FREM1: variants seen among roughly 807,000 people sequenced by gnomAD.
FREM1 encodes the protein FRAS1 related extracellular matrix 1, also known as FRAS1-related extracellular matrix protein 1.
A neutral mutation model predicts 210.1 loss-of-function variants in FREM1; 220 were observed. The ratio of observed to expected loss-of-function variants is 1.05; its 90% CI spans 0.94 to 1.17. The LOEUF (loss-of-function observed/expected upper bound fraction) is 1.17, where lower values mean the gene tolerates loss of function less well. Ranked by LOEUF, FREM1 falls within the 50% of genes most tolerant of loss-of-function variation. The pLI is 0.00. For missense variants in FREM1, 3,454 were observed against 2,675.5 expected (o/e 1.29, Z -6.42); for synonymous variants, 1,189 against 980.2 (o/e 1.21, Z -3.98).
At chr9:14,898,737 C>CAAAACAAAACA (rs1158795333) in intron 1 of FREM1, among the ~76,000 whole-genome samples, 1 of 151,906 alleles carries the variant, frequency 6.6e-6, no homozygotes, top group Non-Finnish European at 1.5e-5. Flanking sequence ...GACTCTGTCT[C>CAAAACAAAACA]AAAACAAAAC....
chr9:14,902,826 G>C (rs1338511874), intron 1 of FREM1, among the ~76,000 whole-genome samples: 1 of 152,180 alleles, frequency 6.6e-6, no homozygotes, highest in Non-Finnish European at 1.5e-5. Context: ...TTAAATGGGG[G>C]TTTATGTGGC....
intron 3 of FREM1, among the ~76,000 whole-genome samples, chr9:14,862,211 G>C (rs868845613): frequency 2.6e-5 from 4 of 152,130 alleles, no homozygotes; most frequent in Non-Finnish European, 2.9e-5. Flanking sequence ...AAAATAATCT[G>C]TGTATTCTCA....
At chr9:14,838,903 G>C (rs1189263748) in intron 10 of FREM1, among the ~76,000 whole-genome samples, 1 of 152,154 alleles carries the variant, frequency 6.6e-6, no homozygotes, top group Non-Finnish European at 1.5e-5. Context: ...TTGTGGAATG[G>C]GGTCGTCAGA....
At chr9:14,742,410 G>T (rs1031406996) in intron 35 of FREM1, among the ~76,000 whole-genome samples, 1 of 152,130 alleles carries the variant, frequency 6.6e-6, no homozygotes, top group Non-Finnish European at 1.5e-5. Context: ...GAGGAAATGA[G>T]CAGATGAGAT....
In FREM1 at chr9:14,819,850, C is replaced by T. The variant is rs757121222; in HGVS notation, c.2338-408G>A. ...ATACACAAAATCTATGTCAAATTCC[C>T]CTGAAGGAAAGGTTTCATCTACTTT... On this transcript the variant is annotated intron_variant, in intron 13 of 36. Coordinates refer to ENST00000380880, the MANE Select transcript of FREM1 (RefSeq NM_001379081.2). 4.3e-4 allele frequency among the ~76,000 whole-genome samples: 65 copies of T among 152,094 alleles called. 1 individual carries two copies. Among genetic ancestry groups the T allele is most frequent in the Admixed American group, 8.5e-4 (13 of 15,272 alleles).
intron 19 of FREM1, among the ~76,000 whole-genome samples, chr9:14,802,831 T>C (rs117264631): frequency 0.03 from 4,567 of 152,252 alleles, 93 homozygotes; most frequent in Non-Finnish European, 0.037. Flanking sequence ...TCAATAACTA[T>C]AACTCAAGGA....
rs1004704858 is a variant in FREM1 at position 14,740,136 on chromosome 9, C to A, written c.6340+13G>T. 3 of 1,594,604 alleles carry A rather than the reference C, an allele frequency of 1.9e-6. No individual in the cohort carries two copies. The African/African-American group carries it at 4.0e-5, about 21-fold the overall frequency. On this transcript the variant is annotated intron_variant, in intron 36 of 36. Coordinates refer to ENST00000380880, the MANE Select transcript of FREM1 (RefSeq NM_001379081.2). The stretch of plus-strand genomic sequence containing the variant: ...CCTCCCTCCTCAGTGCAGCCTCCCT[C>A]CCAGATACTTGCCTATCCAAAAGGA...
chr9:14,821,243 C>T (rs7039386), intron 13 of FREM1, among the ~76,000 whole-genome samples: 37,595 of 151,864 alleles, frequency 0.25, 4,785 homozygotes, highest in Middle Eastern at 0.29. Flanking sequence ...ATATCCTCAG[C>T]TTTTTGAGGG....
chr9:14,869,569 G>C (rs1210511865), intron 1 of FREM1, among the ~76,000 whole-genome samples: 1 of 152,202 alleles, frequency 6.6e-6, no homozygotes, highest in Non-Finnish European at 1.5e-5. Flanking sequence ...TGAGTTCATA[G>C]ACAGTTGTCA....
chr9:14,826,002 C>G lies in FREM1; in HGVS notation c.1882-1010G>C, dbSNP rs1397844042. On this transcript the variant is annotated intron_variant, in intron 10 of 36. Transcript: ENST00000380880. ...TAAGTTAATTTACCCCTTCAAAAATCTTAAAACAACTTCTCAGAAAGTGTG... is the reference window on the plus strand; with the variant it reads ...TAAGTTAATTTACCCCTTCAAAAATGTTAAAACAACTTCTCAGAAAGTGTG... Among the ~76,000 whole-genome samples the G allele has an allele frequency of 7.2e-5, 11 of 151,982 alleles. No individual in the cohort carries two copies. The South Asian group carries it at 2.3e-3, about 32-fold the overall frequency.
At position 14,745,886 on chromosome 9, in the gene FREM1, C is replaced by T. The variant is rs1258052473; in HGVS notation, c.6254+467G>A. On this transcript the variant is annotated intron_variant, in intron 35 of 36. Coordinates refer to ENST00000380880, the MANE Select transcript of FREM1 (RefSeq NM_001379081.2). ...TACTTGCCCAGCTTTATAATCATTG[C>T]TGTATAATCGCATTGCTAGAGGCCC... 2.0e-5 allele frequency among the ~76,000 whole-genome samples: 3 copies of T among 152,094 alleles called. No individual in the cohort carries two copies. The East Asian group carries it at 5.8e-4, about 29-fold the overall frequency.
At chr9:14,880,825 T>C (rs949322534) in intron 1 of FREM1, among the ~76,000 whole-genome samples, 6 of 152,136 alleles carry the variant, frequency 3.9e-5, no homozygotes, top group African/African-American at 9.7e-5. Flanking sequence ...CGCAAAGCAA[T>C]CCTATCTCAG....
In FREM1 at chr9:14,836,895, T is replaced by C. The variant is rs770387725; in HGVS notation, c.1881+4552A>G. ...CAGGGAGGAATGTGGTAGGAGTTAT[T>C]AAGAAAAAGAAATTATTTTATGCAG... is the stretch of plus-strand genomic sequence containing the variant. On this transcript the variant is annotated intron_variant, in intron 10 of 36. Coordinates refer to ENST00000380880, the MANE Select transcript of FREM1 (RefSeq NM_001379081.2). The surrounding 1 kb of genome is among the most constrained non-coding windows in gnomAD (Gnocchi z 4.9). Among the ~76,000 whole-genome samples, 1 of 152,150 alleles carries C rather than the reference T, an allele frequency of 6.6e-6. No individual in the cohort carries two copies. The highest frequency in any genetic ancestry group is 1.5e-5 in the Non-Finnish European group (1 of 68,040).
chr9:14,826,098 C>T (rs1307706677), intron 10 of FREM1, among the ~76,000 whole-genome samples: 1 of 135,534 alleles, frequency 7.4e-6, no homozygotes. Flanking sequence ...CTTTCTCAAC[C>T]TTTTTTTTTT....
chr9:14,848,410 G>T (rs921743468), intron 7 of FREM1, among the ~76,000 whole-genome samples: 6 of 152,122 alleles, frequency 3.9e-5, no homozygotes, highest in Non-Finnish European at 7.4e-5. Flanking sequence ...CAGTTGAAAA[G>T]TGTCCCTTTG....
intron 22 of FREM1, among the ~76,000 whole-genome samples, chr9:14,791,836 T>TTTG (rs34769166): frequency 0.053 from 8,020 of 151,762 alleles, 271 homozygotes; most frequent in Admixed American, 0.065. Flanking sequence ...TTTGTTTTGT[T>TTTG]TTGTTTTGTT....
At chr9:14,886,294 G>A (rs779876229) in intron 1 of FREM1, among the ~76,000 whole-genome samples, 9 of 138,380 alleles carry the variant, frequency 6.5e-5, no homozygotes, top group Non-Finnish European at 9.1e-5. Context: ...GCTGAGGCAG[G>A]AGAATCGCTT....
chr9:14,820,557 A>G (rs765571558), intron 13 of FREM1, among the ~76,000 whole-genome samples: 9 of 152,192 alleles, frequency 5.9e-5, no homozygotes, highest in Non-Finnish European at 1.3e-4. Flanking sequence ...TCTGCTCAAG[A>G]GCCTGCTGTG....
intron 10 of FREM1, among the ~76,000 whole-genome samples, chr9:14,825,575 C>CAATT (rs1822295291): frequency 1.1e-5 from 1 of 90,160 alleles, no homozygotes; most frequent in Admixed American, 1.2e-4. Context: ...ATATATACCA[C>CAATT]AATTATAGTG....
Sources: allele counts gnomAD v4.1 joint callset (sites outside exome capture counted in the v4.1 genomes callset), GRCh38; gene constraint gnomAD v4.1.1; non-coding constraint Gnocchi (gnomAD v3.1); transcripts MANE v1.5; gene names NCBI Gene and HGNC (gene_info 2026-07-23, HGNC 2026-07-21).